IRAG1: variants seen among roughly 807,000 people sequenced by gnomAD.
IRAG1 encodes the protein IP3R-associated cGMP kinase substrate.
In IRAG1, 62 loss-of-function variants were observed where a neutral mutation model predicts 106.2. The ratio of observed to expected loss-of-function variants is 0.58; its 90% CI spans 0.48 to 0.72. IRAG1 has a LOEUF of 0.72. IRAG1 is among the 30% of genes least tolerant of loss of function. IRAG1 has a pLI of 0.00. For missense variants in IRAG1, 1,064 were observed against 1,140.7 expected, an observed-to-expected ratio of 0.93 and a Z score of 0.97; for synonymous variants, 462 against 443.9, an observed-to-expected ratio of 1.04 and a Z score of -0.51.
intron 1 of IRAG1, among the ~76,000 whole-genome samples, chr11:10,664,931 C>G (rs976954304): frequency 2.6e-5 from 4 of 152,222 alleles, no homozygotes; most frequent in Non-Finnish European, 1.5e-5. Flanking sequence ...CCTGATCAAG[C>G]CATGCCTGAT....
chr11:10,662,680 T>A (rs927592882), intron 1 of IRAG1, among the ~76,000 whole-genome samples: 1 of 152,250 alleles, frequency 6.6e-6, no homozygotes, highest in Admixed American at 6.5e-5. Context: ...TCGTGTCTGC[T>A]GCTGTGGTAC....
At chr11:10,670,322 T>G (rs1317032937) in intron 1 of IRAG1, among the ~76,000 whole-genome samples, 1 of 152,222 alleles carries the variant, frequency 6.6e-6, no homozygotes, top group Admixed American at 6.5e-5. Flanking sequence ...GTTATGTACA[T>G]GTCTGAGTCT....
rs116255559 is a variant in IRAG1, at chr11:10,657,004, T to C, written c.68-4822A>G. ...GTCTTATGAGGGCTAAAGAGTGGCC[T>C]ACAGTTGAGCCTGCATGTCCTCTGG... On this transcript the variant is annotated intron_variant, in intron 1 of 20. Coordinates refer to ENST00000423302, the MANE Select transcript of IRAG1 (RefSeq NM_130385.4). The surrounding 1 kb of genome is among the most constrained non-coding windows in gnomAD (Gnocchi z 4.1). Among the ~76,000 whole-genome samples the C allele has an allele frequency of 6.6e-6, 1 of 152,126 alleles. No homozygotes were observed. The highest frequency in any genetic ancestry group is 2.1e-4 in the South Asian group (1 of 4,816).
chr11:10,617,030 C>T, intron 10 of IRAG1: 1 of 984,804 alleles, frequency 1.0e-6, no homozygotes, highest in Non-Finnish European at 1.2e-6. Context: ...TGGGGATAAA[C>T]TTTTTTTTAC....
At chr11:10,591,755 G>A (rs1221477635) in intron 17 of IRAG1, 143 bp from the exon 18 acceptor site, 1 of 769,536 alleles carries the variant, frequency 1.3e-6, no homozygotes, top group Non-Finnish European at 2.2e-6. Context: ...CTTCATCTGA[G>A]CCCAGGACTT....
intron 10 of IRAG1, among the ~76,000 whole-genome samples, chr11:10,616,120 G>A (rs978318296): frequency 5.3e-5 from 8 of 150,422 alleles, no homozygotes; most frequent in Non-Finnish European, 8.9e-5. Context: ...CCTGGCTAAC[G>A]TGGTGAAACC....
At chr11:10,603,374 G>A in intron 13 of IRAG1, 123 bp from the exon 14 acceptor site, 1 of 1,112,492 alleles carries the variant, frequency 9.0e-7, no homozygotes, top group East Asian at 2.6e-5. Context: ...AACCTGGTGG[G>A]GGCGATGGTT....
intron 1 of IRAG1, among the ~76,000 whole-genome samples, chr11:10,664,093 A>C (rs1315536149): frequency 3.3e-5 from 5 of 152,184 alleles, no homozygotes; most frequent in African/African-American, 1.2e-4. Context: ...TGATCATTCT[A>C]GATCCCAGCT....
At chr11:10,675,355 C>T (rs555386994) in intron 1 of IRAG1, among the ~76,000 whole-genome samples, 1 of 152,324 alleles carries the variant, frequency 6.6e-6, no homozygotes, top group African/African-American at 2.4e-5. Context: ...TCCTGTGTGT[C>T]ACGTGCACTG....
chr11:10,672,247 G>A (rs1264924500), intron 1 of IRAG1, among the ~76,000 whole-genome samples: 1 of 152,208 alleles, frequency 6.6e-6, no homozygotes, highest in African/African-American at 2.4e-5. Flanking sequence ...TTAGGTGAAA[G>A]CATGTGAGTA....
At chr11:10,660,374 G>A (rs550774199) in intron 1 of IRAG1, among the ~76,000 whole-genome samples, 6 of 152,220 alleles carry the variant, frequency 3.9e-5, no homozygotes, top group South Asian at 4.1e-4. Context: ...TCTGCATAGC[G>A]GAAACTATAT....
chr11:10,608,988 T>C (rs565565783), intron 11 of IRAG1, among the ~76,000 whole-genome samples: 1 of 152,210 alleles, frequency 6.6e-6, no homozygotes, highest in Non-Finnish European at 1.5e-5. Flanking sequence ...ATGAGTTAAT[T>C]TGTGTGTTTT....
chr11:10,686,680 G>C (rs572554709), intron 1 of IRAG1, among the ~76,000 whole-genome samples: 1 of 152,114 alleles, frequency 6.6e-6, no homozygotes, highest in African/African-American at 2.4e-5. Flanking sequence ...CAGGTCTATA[G>C]GCCACAGAGA....
chr11:10,670,540 C>T (rs187933825), intron 1 of IRAG1, among the ~76,000 whole-genome samples: 229 of 152,266 alleles, frequency 1.5e-3, no homozygotes, highest in African/African-American at 5.2e-3. Flanking sequence ...TTGCAACTAA[C>T]CAGAAATCAG....
intron 4 of IRAG1, chr11:10,629,968 A>C: frequency 2.4e-6 from 1 of 423,794 alleles, no homozygotes. Flanking sequence ...AATTTTCCTA[A>C]ACTCTGTCAG....
At chr11:10,639,617 G>A (rs531852772) in intron 2 of IRAG1, among the ~76,000 whole-genome samples, 61 of 152,138 alleles carry the variant, frequency 4.0e-4, no homozygotes, top group African/African-American at 1.4e-3. Context: ...TTTCCTTAAC[G>A]ATTCTCACGC....
At chr11:10,632,242 G>A (rs1856758383) in intron 3 of IRAG1, among the ~76,000 whole-genome samples, 181 bp from the exon 4 acceptor site, 2 of 142,910 alleles carry the variant, frequency 1.4e-5, no homozygotes, top group South Asian at 4.3e-4. Flanking sequence ...CTGGAGTGCA[G>A]TGGCGCAATC....
intron 3 of IRAG1, among the ~76,000 whole-genome samples, chr11:10,633,321 C>T (rs1017490691): frequency 5.3e-5 from 8 of 152,244 alleles, no homozygotes; most frequent in East Asian, 3.9e-4. Context: ...ATGATTCACC[C>T]GCCTTGGCCT....
intron 15 of IRAG1, among the ~76,000 whole-genome samples, chr11:10,598,729 A>C (rs768220951): frequency 9.2e-5 from 14 of 152,230 alleles, no homozygotes; most frequent in Non-Finnish European, 1.6e-4. Context: ...AGCCTTAAAA[A>C]ATTTATTTCC....
Sources: allele counts gnomAD v4.1 joint callset (sites outside exome capture counted in the v4.1 genomes callset), GRCh38; gene constraint gnomAD v4.1.1; non-coding constraint Gnocchi (gnomAD v3.1); transcripts MANE v1.5; gene names NCBI Gene and HGNC (gene_info 2026-07-23, HGNC 2026-07-21).